The following DPP6 variants were observed in gnomAD, a reference collection of about 807,000 sequenced individuals.
DPP6 encodes A-type potassium channel modulatory protein DPP6.
A neutral mutation model predicts 122.6 loss-of-function variants in DPP6; 69 were observed. The observed-to-expected ratio is 0.56, with a 90% CI of 0.46 to 0.69. The LOEUF is 0.69. DPP6 is among the 30% of genes least tolerant of loss of function. DPP6 has a pLI of 0.00. For synonymous variants in DPP6, 418 were observed against 433.1 expected (o/e 0.97, Z 0.43); for missense variants, 928 against 1,116.9 (o/e 0.83, Z 2.41).
At chr7:154,017,158 C>T (rs183683163) in intron 1 of DPP6, among the ~76,000 whole-genome samples, 37 of 152,274 alleles carry the variant, frequency 2.4e-4, no homozygotes, top group Admixed American at 6.5e-4. Flanking sequence ...GCCTCAACCT[C>T]CTAAACACAA....
intron 16 of DPP6, 97 bp from the exon 17 acceptor site, chr7:154,853,683 C>CT: frequency 6.6e-7 from 1 of 1,518,278 alleles, no homozygotes; most frequent in Non-Finnish European, 8.9e-7. Context: ...CTCCGCACGT[C>CT]TATCTACGTG....
chr7:154,390,018 A>C (rs1206579666), intron 1 of DPP6, among the ~76,000 whole-genome samples: 1 of 152,254 alleles, frequency 6.6e-6, no homozygotes, highest in Non-Finnish European at 1.5e-5. Flanking sequence ...GTATGCATTC[A>C]AGTGGGTGTC....
chr7:154,518,176 A>G (rs1168819665), intron 3 of DPP6, among the ~76,000 whole-genome samples: 1 of 152,212 alleles, frequency 6.6e-6, no homozygotes, highest in Non-Finnish European at 1.5e-5. Context: ...AGATTAGCTG[A>G]GTCTTACTGT....
chr7:153,859,969 G>A, the DPP6 span, among the ~76,000 whole-genome samples: 4 of 152,158 alleles, frequency 2.6e-5, no homozygotes, highest in Non-Finnish European at 5.9e-5. Context: ...TAGAACTCAT[G>A]GTGAGATTTG....
chr7:154,074,055 A>ATCTATCTATG (rs1229612571), intron 1 of DPP6, among the ~76,000 whole-genome samples: 234 of 144,012 alleles, frequency 1.6e-3, no homozygotes, highest in East Asian at 6.9e-3. Context: ...ATCTATCTAT[A>ATCTATCTATG]TATCTCCATA....
chr7:154,529,679 T>A (rs1827685532), intron 3 of DPP6, among the ~76,000 whole-genome samples: 1 of 152,174 alleles, frequency 6.6e-6, no homozygotes, highest in Admixed American at 6.5e-5. Context: ...AATGAAAATC[T>A]CAGCAGAGAA....
At chr7:154,287,900 A>G (rs1034338941) in intron 1 of DPP6, among the ~76,000 whole-genome samples, 1 of 152,208 alleles carries the variant, frequency 6.6e-6, no homozygotes, top group Non-Finnish European at 1.5e-5. Flanking sequence ...GGCAGGATCC[A>G]TCCTGAATGT....
intron 10 of DPP6, among the ~76,000 whole-genome samples, chr7:154,781,305 G>A (rs555456403): frequency 6.6e-6 from 1 of 152,280 alleles, no homozygotes; most frequent in East Asian, 1.9e-4. Context: ...TTCACTGGGT[G>A]TCTTCATGTT....
At chr7:154,388,457 C>T (rs1184638874) in intron 1 of DPP6, among the ~76,000 whole-genome samples, 1 of 152,196 alleles carries the variant, frequency 6.6e-6, no homozygotes, top group African/African-American at 2.4e-5. Context: ...ATGCCCAAGT[C>T]TTCCCCCCAA....
chr7:154,338,737 T>G (rs1266028023), intron 1 of DPP6, among the ~76,000 whole-genome samples: 2 of 152,224 alleles, frequency 1.3e-5, no homozygotes, highest in Admixed American at 1.3e-4. Flanking sequence ...CCCCATTGAA[T>G]AGAGGAAAAC....
At chr7:153,850,592 T>C in the DPP6 span, among the ~76,000 whole-genome samples, 1 of 152,138 alleles carries the variant, frequency 6.6e-6, no homozygotes, top group Non-Finnish European at 1.5e-5. Context: ...CCCTAGATTG[T>C]GTAATTTATA....
intron 1 of DPP6, among the ~76,000 whole-genome samples, chr7:153,994,777 ATTAAG>A (rs1402026827): frequency 2.0e-5 from 3 of 151,832 alleles, no homozygotes; most frequent in Non-Finnish European, 4.4e-5. Flanking sequence ...TAAGGTATAA[ATTAAG>A]TTTACTCTTG....
intron 1 of DPP6, among the ~76,000 whole-genome samples, chr7:154,255,788 T>C (rs1354514884): frequency 6.6e-6 from 1 of 152,220 alleles, no homozygotes; most frequent in East Asian, 1.9e-4. Flanking sequence ...TAGAAGACAA[T>C]ACTACATAGT....
At chr7:153,902,170 T>C (rs1379934819) in intron 1 of DPP6, among the ~76,000 whole-genome samples, 1 of 152,200 alleles carries the variant, frequency 6.6e-6, no homozygotes, top group Non-Finnish European at 1.5e-5. Flanking sequence ...CAGAATTCTC[T>C]TATATAGCCA....
intron 4 of DPP6, among the ~76,000 whole-genome samples, chr7:154,558,330 T>C (rs1830188283): frequency 6.6e-6 from 1 of 152,150 alleles, no homozygotes; most frequent in African/African-American, 2.4e-5. Flanking sequence ...TCCAAGGAAA[T>C]AACAATTACA....
At chr7:153,939,421 T>C (rs1783351865) in intron 1 of DPP6, among the ~76,000 whole-genome samples, 1 of 152,100 alleles carries the variant, frequency 6.6e-6, no homozygotes, top group Non-Finnish European at 1.5e-5. Context: ...GCTCAGAGAG[T>C]GCACAGCTTT....
chr7:153,938,462 A>G (rs986030048), intron 1 of DPP6, among the ~76,000 whole-genome samples: 4 of 152,236 alleles, frequency 2.6e-5, no homozygotes, highest in Non-Finnish European at 5.9e-5. Context: ...AAAGCAAAGA[A>G]GTTGACATTT....
intron 1 of DPP6, among the ~76,000 whole-genome samples, chr7:154,076,941 C>T (rs867987230): frequency 7.9e-5 from 12 of 151,850 alleles, no homozygotes; most frequent in Non-Finnish European, 1.3e-4. Context: ...AGAAAAGGAC[C>T]GAAAAACCAC....
At chr7:154,756,481 G>C (rs939087517) in intron 8 of DPP6, among the ~76,000 whole-genome samples, 2 of 152,172 alleles carry the variant, frequency 1.3e-5, no homozygotes, top group Non-Finnish European at 2.9e-5. Context: ...ACCCAATGAG[G>C]GCAGCCTGCT....
Sources: gnomAD v4.1 joint callset for allele counts (sites outside exome capture counted in the v4.1 genomes callset) on GRCh38, gnomAD v4.1.1 for gene constraint, MANE v1.5 for transcripts, NCBI Gene and HGNC (gene_info 2026-07-23, HGNC 2026-07-21) for gene names.